MAPK12: variants seen among roughly 807,000 people sequenced by gnomAD.
MAPK12 encodes mitogen-activated protein kinase 12.
Under a neutral mutation model 49.1 loss-of-function variants are expected in MAPK12, and 49 were observed. The ratio of observed to expected loss-of-function variants is 1.00; its 90% CI spans 0.79 to 1.27. The LOEUF is 1.27. Among genes scored for constraint, MAPK12 ranks in the 50% most tolerant of loss-of-function variants. The probability of loss-of-function intolerance (pLI) is 0.00; values close to 1 mark genes in which losing one functional copy is unlikely to be tolerated. For missense variants in MAPK12, 554 were observed against 502.4 expected (o/e 1.10, Z -0.98); for synonymous variants, 251 against 209.7 (o/e 1.20, Z -1.70).
At position 50,261,474 on chromosome 22, in the gene MAPK12, G is replaced by A. The variant is rs1356372521; in HGVS notation, c.36C>T (p.Tyr12=). 1.0e-5 allele frequency: 13 copies of A among 1,273,804 alleles called. No homozygotes were observed. Among genetic ancestry groups the A allele is most frequent in the Admixed American group, 5.1e-5 (2 of 39,104 alleles). The allele number at this position is 1,273,804 out of a possible 1,614,324, so 78.9% of individuals were successfully genotyped here. ...AGGCCGTCTTGGTCACCTCCTGGCG[G>A]TAAAAGCCACTGCGGGCGGGCGGCG... The part of the protein sequence containing the change: ...SSPPPARSGF[Y]RQEVTKTAWE... Residue 12 remains tyrosine, a synonymous_variant, in exon 1 of 12, where the codon TAC becomes TAT. Transcript: ENST00000215659.
intron 2 of MAPK12, among the ~76,000 whole-genome samples, chr22:50,258,994 AG>A: frequency 6.6e-6 from 1 of 152,306 alleles, no homozygotes; most frequent in East Asian, 1.9e-4. Context: ...GGCCCAGGCC[AG>A]GGAGGGGCTG....
rs762562157 is a variant in MAPK12, at chr22:50,257,078, G to A, written c.426+4C>T. The A allele has an allele frequency of 1.1e-5, 17 of 1,611,238 alleles. No homozygotes were observed. The highest frequency in any genetic ancestry group is 3.3e-5 in the South Asian group (3 of 91,066). On this transcript the variant is annotated splice_donor_region_variant and intron_variant, in intron 4 of 11. Coordinates refer to ENST00000215659, the MANE Select transcript of MAPK12 (RefSeq NM_002969.6). The stretch of plus-strand genomic sequence containing the variant: ...CTCCCTGCAGCCTCCCCCGGGGCCC[G>A]TACCCTCAGCCCCTTCAGCATCTGG...
chr22:50,258,154 A>G, intron 3 of MAPK12, 89 bp downstream of exon 3: 1 of 1,238,420 alleles, frequency 8.1e-7, no homozygotes. Context: ...GCAGGAAGAG[A>G]ACCCCATTGC....
chr22:50,259,433 C>T (rs992088404), intron 2 of MAPK12, among the ~76,000 whole-genome samples: 2 of 152,130 alleles, frequency 1.3e-5, no homozygotes, highest in Non-Finnish European at 2.9e-5. Context: ...GGCAGAGCCT[C>T]CTCCCCCGCT....
At chr22:50,256,819 T>A (rs1272606489) in intron 5 of MAPK12, 116 bp downstream of exon 5, 1 of 1,523,386 alleles carries the variant, frequency 6.6e-7, no homozygotes, top group Non-Finnish European at 8.8e-7. Flanking sequence ...CACCAGGGGC[T>A]GTGCATAGGG....
chr22:50,258,155 A>AC, intron 3 of MAPK12, 88 bp downstream of exon 3: 1 of 1,250,122 alleles, frequency 8.0e-7, no homozygotes, highest in East Asian at 2.3e-5. Flanking sequence ...CAGGAAGAGA[A>AC]CCCCATTGCC....
At chr22:50,257,657 TCGGCTGGGC>T in intron 3 of MAPK12, 1 of 583,848 alleles carries the variant, frequency 1.7e-6, no homozygotes, top group South Asian at 2.0e-5. Flanking sequence ...GTCAGAGGGG[TCGGCTGGGC>T]CGGTGGAGAC....
intron 11 of MAPK12, 81 bp downstream of exon 11, chr22:50,255,116 C>A: frequency 6.6e-7 from 1 of 1,508,450 alleles, no homozygotes; most frequent in Non-Finnish European, 8.9e-7. Context: ...CCCGGAGCCC[C>A]CAACTCACAG....
chr22:50,261,226 G>T lies in MAPK12; in HGVS notation c.196C>A (p.Leu66Met). 6.3e-7 allele frequency: 1 copy of T among 1,587,968 alleles called. No homozygotes were observed. ...KKLYRPFQSELFAKRAYRELR... is the reference protein window; with the variant it reads ...KKLYRPFQSEMFAKRAYRELR... ...TCGCGGTAGGCGCGCTTGGCGAACA[G>T]CTCGGACTGGAAAGGCCGATACAGC... is the stretch of plus-strand genomic sequence containing the variant. Residue 66 changes from leucine (L) to methionine (M), a missense_variant, in exon 2 of 12, where the codon CTG (leucine) becomes ATG (methionine). By Grantham distance (15) the Leu-to-Met change is conservative. Coordinates refer to ENST00000215659, the MANE Select transcript of MAPK12 (RefSeq NM_002969.6).
rs549793996 is a variant in MAPK12, at chr22:50,253,277, G to A, written c.*124C>T. 50 of 755,918 alleles carry A rather than the reference G, an allele frequency of 6.6e-5. No individual in the cohort carries two copies. The highest frequency in any genetic ancestry group is 1.1e-4 in the Non-Finnish European group (46 of 423,828). 46.8% of individuals were successfully genotyped at this position (755,918 alleles called of 1,614,324 possible). A position where few individuals can be genotyped will look rare whatever the true frequency, so the allele number is the denominator to read the frequency against. The stretch of plus-strand genomic sequence containing the variant: ...GTGGGGAGGAGGGTCCATGGAACCC[G>A]GGCGTCTGCTCTGATGGATGCCTTG... On this transcript the variant is annotated 3_prime_UTR_variant, in exon 12 of 12. Coordinates refer to ENST00000215659, the MANE Select transcript of MAPK12 (RefSeq NM_002969.6).
rs1240243596 is a variant in MAPK12 at position 50,258,290 on chromosome 22, C to T, written c.267G>A (p.Leu89=). The change falls in exon 3 of 12, where the codon CTG becomes CTA. Residue 89 remains leucine (L), a synonymous_variant. Transcript: ENST00000215659. Reference sequence around the variant, plus strand: ...TCTCATCAGGAGTGAATACGTCCAGCAGCCCGATCACCTGGGGGGGCCACA... The same window carrying T: ...TCTCATCAGGAGTGAATACGTCCAGTAGCCCGATCACCTGGGGGGGCCACA... ...KHMRHENVIG[L]LDVFTPDETL... 6.2e-7 allele frequency: 1 copy of T among 1,612,972 alleles called. No individual in the cohort carries two copies. The highest frequency in any genetic ancestry group is 1.7e-5 in the Admixed American group (1 of 60,010).
chr22:50,253,502 G>GGGGGGGGGGGGCGCCCCCCCCCCCC, intron 11 of MAPK12, 22 bp from the exon 12 acceptor site: 1 of 171,686 alleles, frequency 5.8e-6, no homozygotes, highest in Non-Finnish European at 1.1e-5. Flanking sequence ...GGGGGGGCGG[G>GGGGGGGGGGGGCGCCCCCCCCCCCC]CACAACAGAG....
Position 50,261,577 on chromosome 22 carries a change from C to T in MAPK12, c.-68G>A, listed in dbSNP as rs1287457481. On this transcript the variant is annotated 5_prime_UTR_variant, in exon 1 of 12. Transcript: ENST00000215659. ...TGCCCCCACGACCGGGGACGGGGCT[C>T]CCTCGGCGCGCGCCTCGGGCCGGCT... The T allele has an allele frequency of 2.0e-6, 2 of 1,021,126 alleles. No individual in the cohort carries two copies. Among genetic ancestry groups the T allele is most frequent in the African/African-American group, 3.5e-5 (2 of 56,768 alleles). The allele number at this position is 1,021,126 out of a possible 1,614,324, so 63.3% of individuals were successfully genotyped here. A position where few individuals can be genotyped will look rare whatever the true frequency, so the allele number is the denominator to read the frequency against.
Position 50,255,829 on chromosome 22 carries a change from C to T in MAPK12, c.672G>A (p.Thr224=), listed in dbSNP as rs753169938. ...CIMAEMITGK[T]LFKGSDHLDQ... is the part of the protein sequence containing the mutation. The stretch of plus-strand genomic sequence containing the variant: ...GGATACGGTCGCTGCCCTTGAACAG[C>T]GTCTTGCCTGTGATCATCTCCGCCA... The change falls in exon 8 of 12, where the codon ACG becomes ACA. Residue 224 remains threonine, a synonymous_variant. Coordinates refer to ENST00000215659, the MANE Select transcript of MAPK12 (RefSeq NM_002969.6). The T allele has an allele frequency of 5.0e-6, 8 of 1,612,760 alleles. No individual in the cohort carries two copies. The highest frequency in any genetic ancestry group is 1.7e-5 in the Admixed American group (1 of 60,018).
intron 5 of MAPK12, 106 bp downstream of exon 5, chr22:50,256,829 G>C: frequency 6.5e-7 from 1 of 1,536,168 alleles, no homozygotes; most frequent in Non-Finnish European, 8.8e-7. Context: ...TGTGCATAGG[G>C]CGTGGCTCAG....
chr22:50,255,931 C>T (rs749031979), intron 7 of MAPK12, 50 bp from the exon 8 acceptor site: 9 of 1,578,882 alleles, frequency 5.7e-6, no homozygotes, highest in Middle Eastern at 1.7e-4. Context: ...CAGGATGAGA[C>T]GGGGAGGGAG....
chr22:50,253,838 G>A (rs1251930260), intron 11 of MAPK12: 4 of 327,622 alleles, frequency 1.2e-5, no homozygotes, highest in South Asian at 3.0e-5. Flanking sequence ...AAACTCATAA[G>A]CACACGAATA....
At chr22:50,258,198 C>T in intron 3 of MAPK12, 45 bp downstream of exon 3, 1 of 1,593,372 alleles carries the variant, frequency 6.3e-7, no homozygotes, top group Non-Finnish European at 8.6e-7. Context: ...CCCAGAGCTG[C>T]CCAACACCCC....
intron 2 of MAPK12, among the ~76,000 whole-genome samples, chr22:50,259,610 C>T (rs1374987023): frequency 3.9e-5 from 6 of 152,094 alleles, no homozygotes; most frequent in Non-Finnish European, 7.4e-5. Flanking sequence ...GAGCCCGGCG[C>T]GGTGGCTCAC....
Sources: gnomAD v4.1 joint callset for allele counts (sites outside exome capture counted in the v4.1 genomes callset) on GRCh38, gnomAD v4.1.1 for gene constraint, MANE v1.5 for transcripts, NCBI Gene and HGNC (gene_info 2026-07-23, HGNC 2026-07-21) for gene names.